Variants in POLN observed in about 807,000 individuals in gnomAD.
POLN encodes the protein DNA polymerase nu, also known as DNA polymerase N.
POLN carries 108 observed loss-of-function variants against 113.5 expected under a neutral mutation model. The observed-to-expected ratio is 0.95, with a 90% CI of 0.81 to 1.12. The LOEUF (loss-of-function observed/expected upper bound fraction) is 1.12, where lower values mean the gene tolerates loss of function less well. Ranked by LOEUF, POLN falls within the 50% of genes most tolerant of loss-of-function variation. The pLI is 0.00. For synonymous variants in POLN, 386 were observed against 391.5 expected, an observed-to-expected ratio of 0.99 and a Z score of 0.17; for missense variants, 1,097 against 1,077.1, an observed-to-expected ratio of 1.02 and a Z score of -0.26.
chr4:2,132,655 T>C (rs1731754267), intron 16 of POLN, among the ~76,000 whole-genome samples: 1 of 152,260 alleles, frequency 6.6e-6, no homozygotes, highest in African/African-American at 2.4e-5. Flanking sequence ...GCAGATTTCC[T>C]GTCAGGGACC....
intron 16 of POLN, among the ~76,000 whole-genome samples, chr4:2,154,561 G>T (rs1303181717): frequency 6.6e-6 from 1 of 152,220 alleles, no homozygotes. Context: ...TGGTGGGAAT[G>T]TTATTTTTGG....
At chr4:2,107,495 C>G (rs1490285565) in intron 19 of POLN, among the ~76,000 whole-genome samples, 1 of 151,976 alleles carries the variant, frequency 6.6e-6, no homozygotes, top group African/African-American at 2.4e-5. Context: ...GTTGCATGAG[C>G]TGACTGAATC....
intron 16 of POLN, among the ~76,000 whole-genome samples, chr4:2,146,678 T>C (rs1249648635): frequency 1.3e-5 from 2 of 152,154 alleles, no homozygotes; most frequent in Admixed American, 6.5e-5. Context: ...ACAAGGCTTT[T>C]GAGGACATGT....
At chr4:2,238,180 A>C (rs1734834720) in intron 2 of POLN, among the ~76,000 whole-genome samples, 2 of 152,096 alleles carry the variant, frequency 1.3e-5, no homozygotes, top group Admixed American at 6.5e-5. Context: ...TTCATTCTCA[A>C]TGATTCTCCT....
chr4:2,180,286 GGA>G (rs1157086311), intron 7 of POLN, among the ~76,000 whole-genome samples: 1 of 152,160 alleles, frequency 6.6e-6, no homozygotes, highest in Non-Finnish European at 1.5e-5. Flanking sequence ...AGACATGAAG[GGA>G]GAGTCATAAA....
Position 2,096,679 on chromosome 4 carries a change from CGAGAGAAA to C in POLN, c.1983-754_1983-747del, listed in dbSNP as rs1334212892. On this transcript the variant is annotated intron_variant, in intron 19 of 25. Transcript: ENST00000511885. Reference sequence around the variant, plus strand: ...GAGTGGGCATCTCAGATTCAGAAGCCGAGAGAAAGAGAGAGAGAGAGAGAGAGAGAGAG... The same window carrying C: ...GAGTGGGCATCTCAGATTCAGAAGCCGAGAGAGAGAGAGAGAGAGAGAGAG... 6.8e-3 allele frequency among the ~76,000 whole-genome samples: 576 copies of C among 84,372 alleles called. 5 individuals are homozygous for C. The highest frequency in any genetic ancestry group is 0.024 in the African/African-American group (542 of 22,228). 55.4% of individuals were successfully genotyped at this position (84,372 alleles called of 152,430 possible). A position where few individuals can be genotyped will look rare whatever the true frequency, so the allele number is the denominator to read the frequency against.
At chr4:2,073,115 G>T in intron 24 of POLN, 86 bp from the exon 25 acceptor site, 2 of 1,338,402 alleles carry the variant, frequency 1.5e-6, no homozygotes, top group Non-Finnish European at 2.1e-6. Context: ...TCAGGCCCGA[G>T]TCCTGCCCCG....
At chr4:2,209,029 G>C (rs1477029069) in intron 4 of POLN, among the ~76,000 whole-genome samples, 1 of 151,932 alleles carries the variant, frequency 6.6e-6, no homozygotes, top group East Asian at 1.9e-4. Flanking sequence ...CCCTGTTCTG[G>C]GAATCAGTGC....
chr4:2,135,876 A>G (rs1731845215), intron 16 of POLN, among the ~76,000 whole-genome samples: 1 of 152,234 alleles, frequency 6.6e-6, no homozygotes, highest in Non-Finnish European at 1.5e-5. Flanking sequence ...GAAGAAGAAT[A>G]GAGAAGCGAT....
intron 3 of POLN, among the ~76,000 whole-genome samples, chr4:2,223,387 T>G (rs990863422): frequency 1.3e-5 from 2 of 152,142 alleles, no homozygotes; most frequent in African/African-American, 4.8e-5. Context: ...CATTAGATTC[T>G]CATAGGAGCA....
chr4:2,182,058 C>T (rs530723790), intron 7 of POLN, among the ~76,000 whole-genome samples: 15 of 151,364 alleles, frequency 9.9e-5, no homozygotes, highest in South Asian at 6.3e-4. Context: ...ATCAATACAG[C>T]GTAGTATCGA....
chr4:2,133,855 CTT>C (rs574719997), intron 16 of POLN, among the ~76,000 whole-genome samples: 5 of 152,160 alleles, frequency 3.3e-5, no homozygotes, highest in Non-Finnish European at 7.3e-5. Context: ...TCATAAATGA[CTT>C]TTAAAAATTT....
intron 19 of POLN, among the ~76,000 whole-genome samples, chr4:2,124,987 AAATGAGGTCTTC>A (rs1731542822): frequency 6.6e-6 from 1 of 152,214 alleles, no homozygotes; most frequent in African/African-American, 2.4e-5. Context: ...CCTAAGCAAT[AAATGAGGTCTTC>A]AACCAGGTTG....
rs531498600 is a variant in POLN at position 2,126,891 on chromosome 4, C to G, written c.1982+1222G>C. Among the ~76,000 whole-genome samples, 1 of 152,228 alleles carries G rather than the reference C, an allele frequency of 6.6e-6. No homozygotes were observed. Among genetic ancestry groups the G allele is most frequent in the African/African-American group, 2.4e-5 (1 of 41,528 alleles). On this transcript the variant is annotated intron_variant, in intron 19 of 25. Transcript: ENST00000511885. The surrounding 1 kb of genome is among the most constrained non-coding windows in gnomAD (Gnocchi z 4.6). Reference sequence around the variant, plus strand: ...CAGGCCAGAGAGCAGCCAGAGCCCTCGCAGGTCCCCCGCCTTCAGCAAAGA... The same window carrying G: ...CAGGCCAGAGAGCAGCCAGAGCCCTGGCAGGTCCCCCGCCTTCAGCAAAGA...
At chr4:2,120,286 C>A (rs1260654641) in intron 19 of POLN, among the ~76,000 whole-genome samples, 1 of 152,066 alleles carries the variant, frequency 6.6e-6, no homozygotes, top group African/African-American at 2.4e-5. Flanking sequence ...TCTACAAAAA[C>A]CTTGTTTGGG....
At chr4:2,152,393 G>C (rs1353556892) in intron 16 of POLN, among the ~76,000 whole-genome samples, 1 of 144,476 alleles carries the variant, frequency 6.9e-6, no homozygotes, top group African/African-American at 2.6e-5. Flanking sequence ...CTAGGGTGAA[G>C]TGCTGTGATG....
Position 2,087,415 on chromosome 4 carries a change from G to C in POLN, c.2066-1671C>G, listed in dbSNP as rs1012128989. Among the ~76,000 whole-genome samples the C allele has an allele frequency of 3.3e-5, 5 of 152,288 alleles. No homozygotes were observed. The South Asian group carries it at 1.0e-3, about 32-fold the overall frequency. On this transcript the variant is annotated intron_variant, in intron 20 of 25. Transcript: ENST00000511885. ...GCTCTCAGAAAGAAATCAGATGGTG[G>C]CCAGATACACAAGGCTGGCCAGATG... is the stretch of plus-strand genomic sequence containing the variant.
chr4:2,215,770 C>T (rs1035251317), intron 3 of POLN, among the ~76,000 whole-genome samples: 4 of 152,176 alleles, frequency 2.6e-5, no homozygotes, highest in African/African-American at 4.8e-5. Context: ...AGGATTCTGG[C>T]GGGCCTTTTC....
intron 7 of POLN, among the ~76,000 whole-genome samples, chr4:2,186,688 T>C (rs1733282858): frequency 6.6e-6 from 1 of 152,032 alleles, no homozygotes. Context: ...AAAAAACGAA[T>C]CCTTCAATGC....
Sources: gnomAD v4.1 joint callset for allele counts (sites outside exome capture counted in the v4.1 genomes callset) on GRCh38, gnomAD v4.1.1 for gene constraint, Gnocchi (gnomAD v3.1) non-coding constraint, MANE v1.5 for transcripts, NCBI Gene and HGNC (gene_info 2026-07-23, HGNC 2026-07-21) for gene names.